C19orf47: variants seen among roughly 807,000 people sequenced by gnomAD.
The protein encoded by C19orf47 is uncharacterized protein C19orf47.
In C19orf47, 18 loss-of-function variants were observed where a neutral mutation model predicts 32.3. That is an observed-to-expected ratio of 0.56 (90% CI 0.39 to 0.83). The LOEUF is 0.83. Ranked by LOEUF, C19orf47 falls within the 40% of genes least tolerant of loss-of-function variation. The pLI is 0.00. For missense variants in C19orf47, 484 were observed against 531.6 expected (o/e 0.91, Z 0.88); for synonymous variants, 202 against 211.1 (o/e 0.96, Z 0.37).
chr19:40,347,464 G>C (rs140270047), intron 1 of C19orf47, among the ~76,000 whole-genome samples: 1 of 152,024 alleles, frequency 6.6e-6, no homozygotes, highest in African/African-American at 2.4e-5. Flanking sequence ...CCCAGGAAGC[G>C]GAGGTTGCGG....
At chr19:40,345,020 C>T (rs1243344091) in intron 1 of C19orf47, among the ~76,000 whole-genome samples, 6 of 152,148 alleles carry the variant, frequency 3.9e-5, no homozygotes, top group Admixed American at 6.6e-5. Context: ...TTGGACCCCA[C>T]GCAGTCCAAT....
chr19:40,315,839 C>T (rs924188985), downstream of C19orf47, among the ~76,000 whole-genome samples: 2 of 151,384 alleles, frequency 1.3e-5, no homozygotes, highest in African/African-American at 2.4e-5. Context: ...GTGCCCGTAG[C>T]CCCAGGTACT....
At position 40,321,592 on chromosome 19, in the gene C19orf47, G is replaced by A; in HGVS notation, c.*290C>T. On this transcript the variant is annotated 3_prime_UTR_variant, in exon 9 of 9. Coordinates refer to ENST00000683109, the MANE Select transcript of C19orf47 (RefSeq NM_001256441.2). ...AATGTAGGAGAGGAAGAAGCCCCCTGGCACTTGGGAGAGGTAGAAAAGTGG... is the reference window on the plus strand; with the variant it reads ...AATGTAGGAGAGGAAGAAGCCCCCTAGCACTTGGGAGAGGTAGAAAAGTGG... 8.4e-7 allele frequency: 1 copy of A among 1,194,342 alleles called. No homozygotes were observed. Among genetic ancestry groups the A allele is most frequent in the Non-Finnish European group, 1.0e-6 (1 of 960,382 alleles). 74.0% of individuals were successfully genotyped at this position (1,194,342 alleles called of 1,614,324 possible).
intron 7 of C19orf47, among the ~76,000 whole-genome samples, chr19:40,326,026 A>G (rs1389145872): frequency 6.6e-6 from 1 of 152,172 alleles, no homozygotes; most frequent in Admixed American, 6.5e-5. Context: ...TAACGGTGCC[A>G]CTTTGGGGTA....
At position 40,323,914 on chromosome 19, in the gene C19orf47, G is replaced by T. The variant is rs553954360; in HGVS notation, c.663+92C>A. 8 of 1,499,044 alleles carry T rather than the reference G, an allele frequency of 5.3e-6. No homozygotes were observed. The South Asian group carries it at 9.0e-5, about 17-fold the overall frequency. 92.9% of individuals were successfully genotyped at this position (1,499,044 alleles called of 1,614,324 possible). ...AAGGCAGGTTAGACGGCCCTGGGCC[G>T]AGTGAGGTTGAGATGTGTTAAAGAG... On this transcript the variant is annotated intron_variant, in intron 8 of 8. Coordinates refer to ENST00000683109, the MANE Select transcript of C19orf47 (RefSeq NM_001256441.2).
At position 40,321,824 on chromosome 19, in the gene C19orf47, G is replaced by A. The variant is rs1056443122; in HGVS notation, c.*58C>T. 1.4e-6 allele frequency: 2 copies of A among 1,464,072 alleles called. No individual in the cohort carries two copies. Among genetic ancestry groups the A allele is most frequent in the African/African-American group, 2.9e-5 (2 of 70,158 alleles). The allele number at this position is 1,464,072 out of a possible 1,614,324, so 90.7% of individuals were successfully genotyped here. ...GGAGGCGTGATGAAGCCAGGAGCCT[G>A]GGGCGGCCAGGGCAGATGCCCGCAG... On this transcript the variant is annotated 3_prime_UTR_variant, in exon 9 of 9. Coordinates refer to ENST00000683109, the MANE Select transcript of C19orf47 (RefSeq NM_001256441.2).
chr19:40,309,807 C>G, the C19orf47 span, among the ~76,000 whole-genome samples: 2 of 152,064 alleles, frequency 1.3e-5, no homozygotes, highest in African/African-American at 4.8e-5. Flanking sequence ...CAAATCAACA[C>G]CACAGTAAGA....
chr19:40,301,293 G>A, the C19orf47 span, among the ~76,000 whole-genome samples: 1 of 150,912 alleles, frequency 6.6e-6, no homozygotes, highest in Admixed American at 6.6e-5. Context: ...CAAGTCCCTG[G>A]CTTCATAACC....
At chr19:40,328,264 C>G (rs1302753637) in intron 6 of C19orf47, 149 bp downstream of exon 6, 1 of 1,261,654 alleles carries the variant, frequency 7.9e-7, no homozygotes, top group East Asian at 2.7e-5. Context: ...GCACCTTGAC[C>G]AAGTTTACAG....
In C19orf47 at chr19:40,321,436, G is replaced by C; in HGVS notation, c.*446C>G. ...AGTCACAGCAGTGGGGGGAGGCGCA[G>C]AGGAGTGAGGGAGGTCAGTGGGGAG... On this transcript the variant is annotated 3_prime_UTR_variant, in exon 9 of 9. Coordinates refer to ENST00000683109, the MANE Select transcript of C19orf47 (RefSeq NM_001256441.2). 2 of 1,002,878 alleles carry C rather than the reference G, an allele frequency of 2.0e-6. No individual in the cohort carries two copies. The highest frequency in any genetic ancestry group is 2.4e-6 in the Non-Finnish European group (2 of 840,560). The allele number at this position is 1,002,878 out of a possible 1,614,324, so 62.1% of individuals were successfully genotyped here.
chr19:40,331,334 G>A (rs1316504746), intron 5 of C19orf47, among the ~76,000 whole-genome samples: 1 of 152,184 alleles, frequency 6.6e-6, no homozygotes, highest in Non-Finnish European at 1.5e-5. Flanking sequence ...CACCCTGTGG[G>A]CCCAGATAAC....
Position 40,322,225 on chromosome 19 carries a change from G to A in C19orf47, c.815C>T (p.Pro272Leu). The A allele has an allele frequency of 6.2e-7, 1 of 1,609,888 alleles. No individual in the cohort carries two copies. Among genetic ancestry groups the A allele is most frequent in the Non-Finnish European group, 8.5e-7 (1 of 1,179,994 alleles). ...GRGPAKASPQ[P>L]ALTVKAKATS... Reference sequence around the variant, plus strand: ...GGCCTTGGCTTTGACAGTCAGTGCTGGCTGGGGACTGGCCTTGGCTGGGCC... The same window carrying A: ...GGCCTTGGCTTTGACAGTCAGTGCTAGCTGGGGACTGGCCTTGGCTGGGCC... The change falls in exon 9 of 9, where the codon CCA becomes CTA. Residue 272 changes from proline (P) to leucine (L), a missense_variant. Pro to Leu is a moderately conservative substitution (Grantham distance 98). This residue lies in a region of C19orf47 where 376 missense variants were observed against 370.2 expected (regional missense o/e 1.02). Coordinates refer to ENST00000683109, the MANE Select transcript of C19orf47 (RefSeq NM_001256441.2).
At chr19:40,310,573 C>G in the C19orf47 span, among the ~76,000 whole-genome samples, 86 of 152,294 alleles carry the variant, frequency 5.6e-4, no homozygotes, top group African/African-American at 2.0e-3. Flanking sequence ...AGCCACCGCA[C>G]CCAGCCGAAT....
At chr19:40,328,344 AC>A (rs1196182640) in intron 6 of C19orf47, 68 bp downstream of exon 6, 1 of 1,576,586 alleles carries the variant, frequency 6.3e-7, no homozygotes, top group Non-Finnish European at 8.6e-7. Context: ...TGGAAGCATG[AC>A]CCCCAACACC....
At chr19:40,347,801 C>T (rs1326945200) in intron 1 of C19orf47, among the ~76,000 whole-genome samples, 2 of 152,116 alleles carry the variant, frequency 1.3e-5, no homozygotes, top group Non-Finnish European at 2.9e-5. Context: ...TCATTATAGT[C>T]CCAATCCACG....
At chr19:40,297,872 CAAAA>C in the C19orf47 span, among the ~76,000 whole-genome samples, 2 of 105,008 alleles carry the variant, frequency 1.9e-5, no homozygotes, top group Non-Finnish European at 1.8e-5. Flanking sequence ...GACTCCGTCT[CAAAA>C]AAAAAAAAAA....
intron 6 of C19orf47, 152 bp downstream of exon 6, chr19:40,328,261 G>C: frequency 8.1e-7 from 1 of 1,236,432 alleles, no homozygotes. Context: ...ATGGCACCTT[G>C]ACCAAGTTTA....
the C19orf47 span, among the ~76,000 whole-genome samples, chr19:40,297,209 A>G: frequency 8.5e-5 from 13 of 152,328 alleles, no homozygotes; most frequent in African/African-American, 3.1e-4. Context: ...AACCTTATAC[A>G]TGGATTTCAC....
downstream of C19orf47, among the ~76,000 whole-genome samples, chr19:40,318,171 C>T (rs1209341216): frequency 6.6e-6 from 1 of 152,126 alleles, no homozygotes; most frequent in Non-Finnish European, 1.5e-5. Context: ...ATCACTTGAT[C>T]CCAAGAGTTC....
Sources: gnomAD v4.1 joint callset for allele counts (sites outside exome capture counted in the v4.1 genomes callset) on GRCh38, gnomAD v4.1.1 for gene constraint, gnomAD v4.1.1 regional missense constraint, MANE v1.5 for transcripts, NCBI Gene and HGNC (gene_info 2026-07-23, HGNC 2026-07-21) for gene names.